Variants in ZC3H4 observed in about 807,000 individuals in gnomAD.
ZC3H4 encodes the protein zinc finger CCCH-type containing 4, also known as zinc finger CCCH domain-containing protein 4.
A neutral mutation model predicts 108.3 loss-of-function variants in ZC3H4; 13 were observed. That is an observed-to-expected ratio of 0.12 (90% CI 0.08 to 0.19). The LOEUF is 0.19. ZC3H4 is among the 10% of genes least tolerant of loss of function. The probability of loss-of-function intolerance (pLI) is 1.00; values close to 1 mark genes in which losing one functional copy is unlikely to be tolerated. For missense variants in ZC3H4, 1,734 were observed against 1,838.8 expected (o/e 0.94, Z 1.04); for synonymous variants, 917 against 749.6 (o/e 1.22, Z -3.65).
rs994105264 is a variant in ZC3H4 at position 47,110,976 on chromosome 19, A to G, written c.161+1448T>C. 19 of 969,296 alleles carry G rather than the reference A, an allele frequency of 2.0e-5. No homozygotes were observed. In the Middle Eastern group the frequency reaches 2.7e-3, roughly 136 times the overall value. The allele number at this position is 969,296 out of a possible 1,614,324, so 60.0% of individuals were successfully genotyped here. On this transcript the variant is annotated intron_variant, in intron 2 of 14. Coordinates refer to ENST00000253048, the MANE Select transcript of ZC3H4 (RefSeq NM_015168.2). ...TATGGTCTGTGAAGGAGAAAGGGGA[A>G]AGGGGAGGTGGGAGTGGGGAGAAGG...
At chr19:47,080,845 C>T (rs1264712003) in intron 11 of ZC3H4, among the ~76,000 whole-genome samples, 9 of 152,122 alleles carry the variant, frequency 5.9e-5, no homozygotes, top group Non-Finnish European at 1.2e-4. Context: ...GTTGGCCAGG[C>T]AGGTCTTGAG....
chr19:47,111,654 G>A (rs941381304), intron 2 of ZC3H4, among the ~76,000 whole-genome samples: 1 of 152,068 alleles, frequency 6.6e-6, no homozygotes, highest in South Asian at 2.1e-4. Context: ...AAAAAAATAG[G>A]CTGGGGTTTT....
chr19:47,112,016 A>C, intron 2 of ZC3H4: 1 of 618,376 alleles, frequency 1.6e-6, no homozygotes, highest in Non-Finnish European at 2.0e-6. Flanking sequence ...GCGACGGGCA[A>C]GCGGGCCCGT....
intron 2 of ZC3H4, among the ~76,000 whole-genome samples, chr19:47,098,964 T>C (rs1401965368): frequency 1.3e-5 from 2 of 152,164 alleles, no homozygotes; most frequent in Non-Finnish European, 2.9e-5. Context: ...TTTTCTGATC[T>C]ACTGAATGGG....
At chr19:47,089,170 C>A (rs2057686658) in intron 5 of ZC3H4, among the ~76,000 whole-genome samples, 1 of 140,928 alleles carries the variant, frequency 7.1e-6, no homozygotes, top group Admixed American at 7.5e-5. Context: ...CGCGCCACTG[C>A]ACTCCAGCCT....
rs1333705547 is a variant in ZC3H4 at position 47,072,495 on chromosome 19, C to G, written c.1659G>C (p.Gly553=). 5.2e-6 allele frequency: 4 copies of G among 762,008 alleles called. No individual in the cohort carries two copies. In the South Asian group the frequency reaches 6.4e-5, roughly 12 times the overall value. The allele number at this position is 762,008 out of a possible 1,614,324, so 47.2% of individuals were successfully genotyped here. Residue 553 remains glycine, a synonymous_variant, in exon 12 of 15, where the codon GGG becomes GGC. Coordinates refer to ENST00000253048, the MANE Select transcript of ZC3H4 (RefSeq NM_015168.2). This position sits in a 1 kb window ranked among gnomAD's most constrained non-coding sequence, Gnocchi z 5.6. ...PPPPPPPPPP[G]PPQMPMPVHE... ...GCACCGGCATGGGCATCTGAGGGGG[C>G]CCGGGCGGTGGGGGAGGGGGAGGGG...
chr19:47,086,297 G>A, intron 6 of ZC3H4, 87 bp downstream of exon 6: 1 of 1,503,622 alleles, frequency 6.7e-7, no homozygotes, highest in Middle Eastern at 1.7e-4. Flanking sequence ...TTCCTACCTT[G>A]GCCTCACAGC....
At chr19:47,071,492 TCA>T (rs1300429793) in intron 13 of ZC3H4, among the ~76,000 whole-genome samples, 1 of 152,114 alleles carries the variant, frequency 6.6e-6, no homozygotes, top group Non-Finnish European at 1.5e-5. Context: ...CCTCTCAGCC[TCA>T]CACCCTTGCA....
intron 11 of ZC3H4, among the ~76,000 whole-genome samples, chr19:47,078,984 G>A (rs2057471702): frequency 6.6e-6 from 1 of 150,424 alleles, no homozygotes; most frequent in Non-Finnish European, 1.5e-5. Flanking sequence ...CAGAGATCGC[G>A]CCATTGCACT....
At chr19:47,082,725 G>A (rs1180165026) in intron 9 of ZC3H4, among the ~76,000 whole-genome samples, 1 of 152,234 alleles carries the variant, frequency 6.6e-6, no homozygotes, top group Non-Finnish European at 1.5e-5. Flanking sequence ...AAAGCCATAT[G>A]TTTAAAGATG....
chr19:47,092,933 G>T (rs1288113821), intron 4 of ZC3H4, among the ~76,000 whole-genome samples: 1 of 151,300 alleles, frequency 6.6e-6, no homozygotes, highest in Non-Finnish European at 1.5e-5. Context: ...AAGATGATTT[G>T]CGGCCGGGCG....
chr19:47,097,157 A>G (rs899781330), intron 2 of ZC3H4, among the ~76,000 whole-genome samples: 2 of 152,218 alleles, frequency 1.3e-5, no homozygotes, highest in Non-Finnish European at 2.9e-5. Context: ...CAAAGACCTG[A>G]GCCAAAGAGG....
chr19:47,071,368 T>C (rs1050155586), intron 13 of ZC3H4, among the ~76,000 whole-genome samples: 1 of 152,054 alleles, frequency 6.6e-6, no homozygotes, highest in South Asian at 2.1e-4. Context: ...CGGCCGGTAA[T>C]GGGCACAGAA....
At chr19:47,071,639 T>G in intron 13 of ZC3H4, 139 bp downstream of exon 13, 2 of 882,572 alleles carry the variant, frequency 2.3e-6, no homozygotes, top group Non-Finnish European at 3.3e-6. Context: ...ACTGAAAACA[T>G]TCAACCATTA....
At position 47,086,374 on chromosome 19, in the gene ZC3H4, G is replaced by GAAACCT; in HGVS notation, c.870+4_870+9dup. 1 of 1,613,226 alleles carries GAAACCT rather than the reference G, an allele frequency of 6.2e-7. No individual in the cohort carries two copies. Among genetic ancestry groups the GAAACCT allele is most frequent in the Non-Finnish European group, 8.5e-7 (1 of 1,179,750 alleles). ...CACCCCGACGTCCCCAGGGCCAGAG[G>GAAACCT]AAACCTTACGTCCATCTCTTCCTCG... On this transcript the variant is annotated intron_variant, in intron 6 of 14. Transcript: ENST00000253048.
rs920851453 is a variant in ZC3H4 at position 47,066,002 on chromosome 19, T to C, written c.*354A>G. On this transcript the variant is annotated 3_prime_UTR_variant, in exon 15 of 15. Transcript: ENST00000253048. ...CCTTTGTCCTGGGGAAAAGGGGCCA[T>C]GCTTTGCCCAGAAAACCCACTGGGC... 4 of 195,470 alleles carry C rather than the reference T, an allele frequency of 2.0e-5. No homozygotes were observed. Among genetic ancestry groups the C allele is most frequent in the African/African-American group, 7.0e-5 (3 of 42,916 alleles). The allele number at this position is 195,470 out of a possible 1,614,324, so 12.1% of individuals were successfully genotyped here. A position where few individuals can be genotyped will look rare whatever the true frequency, so the allele number is the denominator to read the frequency against.
intron 11 of ZC3H4, among the ~76,000 whole-genome samples, chr19:47,080,235 AC>A (rs1415946422): frequency 6.6e-6 from 1 of 152,324 alleles, no homozygotes; most frequent in East Asian, 1.9e-4. Context: ...GAAACTCAGG[AC>A]TGATGTTTGG....
Position 47,072,754 on chromosome 19 carries a change from A to G in ZC3H4, c.1441-41T>C, listed in dbSNP as rs772709491. On this transcript the variant is annotated intron_variant, in intron 11 of 14. Transcript: ENST00000253048. This position sits in a 1 kb window ranked among gnomAD's most constrained non-coding sequence, Gnocchi z 5.6. Reference sequence around the variant, plus strand: ...AACAAAAGAAGGTGTGGACGGGGTCAGGATGGAAACGGACCTCTCCAGGTC... The same window carrying G: ...AACAAAAGAAGGTGTGGACGGGGTCGGGATGGAAACGGACCTCTCCAGGTC... 19 of 1,608,526 alleles carry G rather than the reference A, an allele frequency of 1.2e-5. No individual in the cohort carries two copies. In the South Asian group the frequency reaches 1.9e-4, roughly 16 times the overall value.
At chr19:47,083,224 G>A (rs1167475557) in intron 9 of ZC3H4, among the ~76,000 whole-genome samples, 1 of 150,842 alleles carries the variant, frequency 6.6e-6, no homozygotes, top group African/African-American at 2.4e-5. Context: ...GGCAGAGCTT[G>A]CAGTGAGGCA....
Sources: gnomAD v4.1 joint callset for allele counts (sites outside exome capture counted in the v4.1 genomes callset) on GRCh38, gnomAD v4.1.1 for gene constraint, Gnocchi (gnomAD v3.1) non-coding constraint, MANE v1.5 for transcripts, NCBI Gene and HGNC (gene_info 2026-07-23, HGNC 2026-07-21) for gene names.